The following GPC5 variants were observed in gnomAD, a reference collection of about 807,000 sequenced individuals.
GPC5 encodes the protein glypican-5.
In GPC5, 47 loss-of-function variants were observed where a neutral mutation model predicts 53.9. The ratio of observed to expected loss-of-function variants is 0.87; its 90% CI spans 0.69 to 1.11. The LOEUF (loss-of-function observed/expected upper bound fraction) is 1.11. GPC5 is among the 50% of genes most tolerant of loss of function. The pLI, the probability that GPC5 is intolerant of heterozygous loss-of-function variation, is 0.00. For missense variants in GPC5, 748 were observed against 713.1 expected (o/e 1.05, Z -0.56); for synonymous variants, 286 against 263.3 (o/e 1.09, Z -0.84).
chr13:92,553,708 G>T (rs566811427), intron 7 of GPC5, among the ~76,000 whole-genome samples: 7 of 151,900 alleles, frequency 4.6e-5, no homozygotes, highest in Non-Finnish European at 7.4e-5. Flanking sequence ...TTTATCAGTT[G>T]ACAACTTTGT....
At chr13:91,630,272 A>G (rs1335914899) in intron 2 of GPC5, among the ~76,000 whole-genome samples, 1 of 152,140 alleles carries the variant, frequency 6.6e-6, no homozygotes, top group Non-Finnish European at 1.5e-5. Flanking sequence ...CAGCCTCTGA[A>G]GGATATTTTT....
chr13:92,539,986 A>G (rs761145537), intron 7 of GPC5, among the ~76,000 whole-genome samples: 2 of 151,980 alleles, frequency 1.3e-5, no homozygotes, highest in Non-Finnish European at 2.9e-5. Context: ...TTATTATAGA[A>G]ACAAACATTT....
chr13:91,527,464 C>T (rs1052640262), intron 2 of GPC5, among the ~76,000 whole-genome samples: 11 of 152,240 alleles, frequency 7.2e-5, no homozygotes, highest in African/African-American at 2.7e-4. Context: ...CAGCTCTGCC[C>T]TTGTGGCTCT....
At chr13:92,703,745 G>A (rs1336527077) in intron 7 of GPC5, among the ~76,000 whole-genome samples, 1 of 151,382 alleles carries the variant, frequency 6.6e-6, no homozygotes, top group East Asian at 1.9e-4. Flanking sequence ...GTTAATTGGG[G>A]GAAGGGTATA....
intron 6 of GPC5, among the ~76,000 whole-genome samples, chr13:92,079,413 TCTTTA>T (rs1479139835): frequency 5.3e-5 from 8 of 152,224 alleles, no homozygotes; most frequent in Non-Finnish European, 1.2e-4. Context: ...CCTTCTAAAA[TCTTTA>T]CTTCCATCAT....
intron 7 of GPC5, among the ~76,000 whole-genome samples, chr13:92,748,496 A>AT (rs1272013371): frequency 2.6e-5 from 4 of 151,122 alleles, no homozygotes; most frequent in East Asian, 3.9e-4. Flanking sequence ...ATTGTTTGTA[A>AT]TTTTTTTGTA....
chr13:92,238,149 A>C (rs767874106), intron 7 of GPC5, among the ~76,000 whole-genome samples: 13 of 151,972 alleles, frequency 8.6e-5, no homozygotes, highest in Non-Finnish European at 1.8e-4. Flanking sequence ...ATTTTTGTGT[A>C]GACATGTTTT....
At chr13:92,791,164 T>C (rs1206055798) in intron 7 of GPC5, among the ~76,000 whole-genome samples, 2 of 152,108 alleles carry the variant, frequency 1.3e-5, no homozygotes, top group African/African-American at 2.4e-5. Flanking sequence ...ATTGGGTATT[T>C]ATAATTTCAC....
intron 5 of GPC5, among the ~76,000 whole-genome samples, chr13:91,855,767 T>C (rs1304272928): frequency 6.6e-6 from 1 of 151,672 alleles, no homozygotes; most frequent in Non-Finnish European, 1.5e-5. Context: ...TTAAATATTA[T>C]GCTTTTCTTG....
chr13:91,895,818 C>T (rs527565818), intron 5 of GPC5, among the ~76,000 whole-genome samples: 2 of 152,148 alleles, frequency 1.3e-5, no homozygotes, highest in East Asian at 3.9e-4. Flanking sequence ...AATTTGTTCT[C>T]TTACTGTTGT....
chr13:92,753,233 C>T (rs1874674819), intron 7 of GPC5, among the ~76,000 whole-genome samples: 1 of 152,146 alleles, frequency 6.6e-6, no homozygotes. Flanking sequence ...GGCACACTGA[C>T]ACCTCACACG....
At chr13:92,323,730 T>G (rs535689161) in intron 7 of GPC5, among the ~76,000 whole-genome samples, 1 of 151,734 alleles carries the variant, frequency 6.6e-6, no homozygotes, top group Non-Finnish European at 1.5e-5. Flanking sequence ...AAGAATAGAG[T>G]TTGTAAAATC....
At chr13:91,824,793 T>A (rs1465265070) in intron 5 of GPC5, among the ~76,000 whole-genome samples, 1 of 152,062 alleles carries the variant, frequency 6.6e-6, no homozygotes, top group Non-Finnish European at 1.5e-5. Context: ...TCCAAGAAGA[T>A]TAAATCCTTA....
At chr13:92,316,102 C>T (rs1036446391) in intron 7 of GPC5, among the ~76,000 whole-genome samples, 18 of 152,250 alleles carry the variant, frequency 1.2e-4, no homozygotes, top group African/African-American at 4.3e-4. Context: ...GATTACACTT[C>T]TCTCTTTTTC....
chr13:92,606,330 A>G (rs939828712), intron 7 of GPC5, among the ~76,000 whole-genome samples: 1 of 152,048 alleles, frequency 6.6e-6, no homozygotes, highest in African/African-American at 2.4e-5. Context: ...GAGTGAGACC[A>G]TGTGGTGTTT....
chr13:92,147,503 G>A (rs1167568431), intron 7 of GPC5, among the ~76,000 whole-genome samples: 1 of 151,766 alleles, frequency 6.6e-6, no homozygotes, highest in Non-Finnish European at 1.5e-5. Context: ...ACTCTTTTTT[G>A]TTTGTTTCAC....
intron 7 of GPC5, among the ~76,000 whole-genome samples, chr13:92,700,504 T>C (rs1420945706): frequency 6.6e-6 from 1 of 152,132 alleles, no homozygotes; most frequent in Non-Finnish European, 1.5e-5. Flanking sequence ...CTGATTATTT[T>C]GCCCACTAGT....
chr13:92,800,894 A>G (rs1285790813), intron 7 of GPC5, among the ~76,000 whole-genome samples: 1 of 151,786 alleles, frequency 6.6e-6, no homozygotes, highest in Non-Finnish European at 1.5e-5. Flanking sequence ...ACCCTTTTAA[A>G]TTCCCTTAAA....
At position 91,575,014 on chromosome 13, in the gene GPC5, C is replaced by T. The variant is rs531022085; in HGVS notation, c.326-118173C>T. Among the ~76,000 whole-genome samples the T allele has an allele frequency of 3.3e-5, 5 of 152,196 alleles. No individual in the cohort carries two copies. In the East Asian group the frequency reaches 9.7e-4, roughly 29 times the overall value. On this transcript the variant is annotated intron_variant, in intron 2 of 7. Coordinates refer to ENST00000377067, the MANE Select transcript of GPC5 (RefSeq NM_004466.6). ...AAGAGAGTTCTCCAATATAATGCCT[C>T]CTTGAGAAAGATGGTGATCAAAAAT...
Sources: gnomAD v4.1 joint callset for allele counts (sites outside exome capture counted in the v4.1 genomes callset) on GRCh38, gnomAD v4.1.1 for gene constraint, MANE v1.5 for transcripts, NCBI Gene and HGNC (gene_info 2026-07-23, HGNC 2026-07-21) for gene names.